Variants in SDK1 observed in about 807,000 individuals in gnomAD.
SDK1 encodes sidekick cell adhesion molecule 1.
In SDK1, 157 loss-of-function variants were observed where a neutral mutation model predicts 245.5. The ratio of observed to expected loss-of-function variants is 0.64; its 90% CI spans 0.56 to 0.73. The LOEUF (loss-of-function observed/expected upper bound fraction) is 0.73. Ranked by LOEUF, SDK1 falls within the 30% of genes least tolerant of loss-of-function variation. SDK1 has a pLI of 0.00. For missense variants in SDK1, 3,583 were observed against 3,002.3 expected, an observed-to-expected ratio of 1.19 and a Z score of -4.52; for synonymous variants, 1,647 against 1,278.5, an observed-to-expected ratio of 1.29 and a Z score of -6.15.
intron 5 of SDK1, among the ~76,000 whole-genome samples, chr7:3,929,254 T>C (rs1211473921): frequency 6.6e-6 from 1 of 152,214 alleles, no homozygotes; most frequent in African/African-American, 2.4e-5. Context: ...TTTGACTTGA[T>C]GAAGCGTTGC....
chr7:3,657,811 G>C (rs1241098142), intron 4 of SDK1, among the ~76,000 whole-genome samples: 1 of 152,210 alleles, frequency 6.6e-6, no homozygotes, highest in Admixed American at 6.5e-5. Context: ...AGAAAGCAGA[G>C]GAAGTCTTAT....
chr7:4,004,132 C>G (rs370626422), intron 14 of SDK1, among the ~76,000 whole-genome samples: 50 of 152,320 alleles, frequency 3.3e-4, no homozygotes, highest in African/African-American at 1.1e-3. Flanking sequence ...GCAGTAGCTC[C>G]AAGAGTGGGT....
At position 4,132,796 on chromosome 7, in the gene SDK1, C is replaced by T. The variant is rs535283918; in HGVS notation, c.4228+373C>T. On this transcript the variant is annotated intron_variant, in intron 28 of 44. Coordinates refer to ENST00000404826, the MANE Select transcript of SDK1 (RefSeq NM_152744.4). ...AAATAACAATCAAGTTGATGTCTTCCGTGTTTGTTAGATGTTTATGAGGTT... is the reference window on the plus strand; with the variant it reads ...AAATAACAATCAAGTTGATGTCTTCTGTGTTTGTTAGATGTTTATGAGGTT... 6.6e-5 allele frequency among the ~76,000 whole-genome samples: 10 copies of T among 152,180 alleles called. No homozygotes were observed. The East Asian group carries it at 1.4e-3, about 21-fold the overall frequency.
chr7:4,073,892 C>T (rs947238795), intron 20 of SDK1, among the ~76,000 whole-genome samples: 1 of 152,180 alleles, frequency 6.6e-6, no homozygotes, highest in South Asian at 2.1e-4. Context: ...ACACTCAGCA[C>T]GGCCACAACA....
At chr7:3,638,333 A>T (rs1782534515) in intron 2 of SDK1, among the ~76,000 whole-genome samples, 1 of 152,168 alleles carries the variant, frequency 6.6e-6, no homozygotes, top group Non-Finnish European at 1.5e-5. Context: ...ACACGTGCAC[A>T]CGTATGTTTA....
At chr7:4,125,771 A>G (rs1784358780) in intron 25 of SDK1, among the ~76,000 whole-genome samples, 1 of 152,172 alleles carries the variant, frequency 6.6e-6, no homozygotes, top group Non-Finnish European at 1.5e-5. Context: ...CACTTTCTTC[A>G]AAACAACTAG....
chr7:3,314,349 T>C (rs552558548), intron 1 of SDK1, among the ~76,000 whole-genome samples: 3 of 152,346 alleles, frequency 2.0e-5, no homozygotes, highest in African/African-American at 7.2e-5. Context: ...ACATTCCAAG[T>C]GACCTTTACA....
chr7:3,542,000 C>T (rs1385814527), intron 1 of SDK1, among the ~76,000 whole-genome samples: 1 of 152,180 alleles, frequency 6.6e-6, no homozygotes, highest in Non-Finnish European at 1.5e-5. Flanking sequence ...CACATGTATA[C>T]ATATGTAACA....
chr7:3,618,039 A>G (rs901303382), intron 1 of SDK1, among the ~76,000 whole-genome samples: 1 of 152,178 alleles, frequency 6.6e-6, no homozygotes, highest in Non-Finnish European at 1.5e-5. Flanking sequence ...ATGACGAGTC[A>G]TATAATCCTG....
At chr7:3,836,360 G>A (rs1286605138) in intron 5 of SDK1, among the ~76,000 whole-genome samples, 2 of 152,132 alleles carry the variant, frequency 1.3e-5, no homozygotes, top group African/African-American at 2.4e-5. Flanking sequence ...TTCAATGTAC[G>A]AGTGAGTAAA....
intron 1 of SDK1, among the ~76,000 whole-genome samples, chr7:3,403,869 A>ATATTAT (rs1554266408): frequency 1.1e-5 from 1 of 88,902 alleles, no homozygotes; most frequent in African/African-American, 4.5e-5. Context: ...ATATATATAT[A>ATATTAT]ATATATATAT....
intron 4 of SDK1, among the ~76,000 whole-genome samples, chr7:3,655,477 A>ATATATATATATATATATG (rs1783144679): frequency 3.4e-5 from 3 of 88,200 alleles, no homozygotes; most frequent in African/African-American, 1.5e-4. Context: ...ATATATATAT[A>ATATATATATATATATATG]TATATATATA....
At chr7:3,996,183 C>T (rs1009052508) in intron 14 of SDK1, among the ~76,000 whole-genome samples, 2 of 152,126 alleles carry the variant, frequency 1.3e-5, no homozygotes, top group African/African-American at 4.8e-5. Context: ...GTGTCTCCCT[C>T]TTTTTATATT....
At chr7:3,953,372 A>T (rs1002595034) in intron 7 of SDK1, among the ~76,000 whole-genome samples, 1 of 152,182 alleles carries the variant, frequency 6.6e-6, no homozygotes, top group African/African-American at 2.4e-5. Context: ...AAAGCATCCA[A>T]GGAAGCCGGC....
intron 1 of SDK1, among the ~76,000 whole-genome samples, chr7:3,587,580 C>T (rs1016589438): frequency 6.6e-6 from 1 of 152,208 alleles, no homozygotes; most frequent in Non-Finnish European, 1.5e-5. Flanking sequence ...ATCCAACTTT[C>T]CTCCGCTTTT....
intron 1 of SDK1, among the ~76,000 whole-genome samples, chr7:3,506,943 G>A (rs1350447147): frequency 2.0e-5 from 3 of 150,864 alleles, no homozygotes; most frequent in African/African-American, 7.3e-5. Flanking sequence ...TTTTTCTCTT[G>A]GTTAAGGGCT....
intron 1 of SDK1, among the ~76,000 whole-genome samples, chr7:3,469,555 C>T (rs775612359): frequency 2.6e-5 from 4 of 152,068 alleles, no homozygotes; most frequent in Admixed American, 6.5e-5. Context: ...CTTAGTTTTC[C>T]GGTTAGGGCC....
chr7:3,994,670 A>T (rs549237552), intron 14 of SDK1, among the ~76,000 whole-genome samples: 1 of 152,106 alleles, frequency 6.6e-6, no homozygotes, highest in Non-Finnish European at 1.5e-5. Context: ...AGAAAAACAT[A>T]ATGTAATTCT....
At chr7:3,580,247 C>T (rs879818087) in intron 1 of SDK1, among the ~76,000 whole-genome samples, 6 of 152,176 alleles carry the variant, frequency 3.9e-5, no homozygotes, top group African/African-American at 1.4e-4. Context: ...AATGCTATTC[C>T]TATCAAACTA....
Sources: allele counts gnomAD v4.1 joint callset (sites outside exome capture counted in the v4.1 genomes callset), GRCh38; gene constraint gnomAD v4.1.1; transcripts MANE v1.5; gene names NCBI Gene and HGNC (gene_info 2026-07-23, HGNC 2026-07-21).